The following ULK4 variants were observed in gnomAD, a reference collection of about 807,000 sequenced individuals.
The protein encoded by ULK4 is inactive serine/threonine-protein kinase ULK4.
ULK4 carries 133 observed loss-of-function variants against 160.6 expected under a neutral mutation model. The observed-to-expected ratio is 0.83, with a 90% CI of 0.72 to 0.96. The LOEUF is 0.96. Ranked by LOEUF, ULK4 falls within the 40% of genes least tolerant of loss-of-function variation. The pLI is 0.00. For synonymous variants in ULK4, 534 were observed against 539.8 expected (o/e 0.99, Z 0.15); for missense variants, 1,580 against 1,499.5 (o/e 1.05, Z -0.89).
intron 2 of ULK4, among the ~76,000 whole-genome samples, chr3:41,944,866 T>A (rs1700066963): frequency 6.6e-6 from 1 of 152,154 alleles, no homozygotes; most frequent in Admixed American, 6.6e-5. Context: ...ATTAGCAGCA[T>A]CTCACACAAG....
intron 32 of ULK4, among the ~76,000 whole-genome samples, chr3:41,473,661 C>CAAAAAAAA (rs1294599838): frequency 1.6e-4 from 4 of 25,288 alleles, no homozygotes; most frequent in African/African-American, 7.3e-4. Flanking sequence ...GATTCTGTCT[C>CAAAAAAAA]AAAGAAAAAA....
chr3:41,282,930 CAAA>C (rs2079387905), intron 35 of ULK4, among the ~76,000 whole-genome samples: 1 of 138,970 alleles, frequency 7.2e-6, no homozygotes. Context: ...CTAGAATCTA[CAAA>C]AAACTTAAAC....
intron 19 of ULK4, among the ~76,000 whole-genome samples, chr3:41,814,061 G>C (rs2040894591): frequency 6.6e-6 from 1 of 152,184 alleles, no homozygotes; most frequent in Non-Finnish European, 1.5e-5. Context: ...ACACAATGTA[G>C]CATTTTCACT....
intron 20 of ULK4, among the ~76,000 whole-genome samples, chr3:41,790,124 T>G (rs1255208012): frequency 6.6e-6 from 1 of 152,150 alleles, no homozygotes; most frequent in Non-Finnish European, 1.5e-5. Context: ...GTCCCTTTAA[T>G]TAATAAAACA....
At chr3:41,675,595 A>G (rs2035685871) in intron 29 of ULK4, among the ~76,000 whole-genome samples, 1 of 152,146 alleles carries the variant, frequency 6.6e-6, no homozygotes, top group South Asian at 2.1e-4. Context: ...ATCTCAAAAC[A>G]AAACAAAACA....
At position 41,506,770 on chromosome 3, in the gene ULK4, ATATATAT is replaced by A. The variant is rs2085399401; in HGVS notation, c.3227-43524_3227-43518del. 6.0e-5 allele frequency among the ~76,000 whole-genome samples: 6 copies of A among 100,122 alleles called. 1 individual carries two copies. The highest frequency in any genetic ancestry group is 6.3e-4 in the East Asian group (2 of 3,194). 65.7% of individuals were successfully genotyped at this position (100,122 alleles called of 152,430 possible). On this transcript the variant is annotated intron_variant, in intron 32 of 36. Coordinates refer to ENST00000301831, the MANE Select transcript of ULK4 (RefSeq NM_017886.4). ...AATACACTGGAGTGTGATTTAAAAT[ATATATAT>A]ATATATATATATATATATATATATA...
Position 41,918,356 on chromosome 3 carries a change from CTT to C in ULK4, c.727+99_727+100del, listed in dbSNP as rs1348858724. 48 of 697,156 alleles carry C rather than the reference CTT, an allele frequency of 6.9e-5. No individual in the cohort carries two copies. In the East Asian group the frequency reaches 1.4e-3, roughly 21 times the overall value. The allele number at this position is 697,156 out of a possible 1,614,324, so 43.2% of individuals were successfully genotyped here. Reference sequence around the variant, plus strand: ...ACTTGGGATCATTTATAAAAGATAACTTTGGGGAGTTATGAATCAATAAAAGC... The same window carrying C: ...ACTTGGGATCATTTATAAAAGATAACTGGGGAGTTATGAATCAATAAAAGC... On this transcript the variant is annotated intron_variant, in intron 7 of 36. Coordinates refer to ENST00000301831, the MANE Select transcript of ULK4 (RefSeq NM_017886.4).
intron 18 of ULK4, among the ~76,000 whole-genome samples, chr3:41,831,044 A>AT (rs1292356260): frequency 2.2e-4 from 33 of 151,290 alleles, no homozygotes; most frequent in African/African-American, 7.8e-4. Context: ...TGATTTATTT[A>AT]TTAGACAGGG....
intron 22 of ULK4, among the ~76,000 whole-genome samples, chr3:41,743,375 T>C (rs539541243): frequency 6.6e-6 from 1 of 151,578 alleles, no homozygotes; most frequent in East Asian, 1.9e-4. Context: ...TGCAGTAATC[T>C]TCAGGAATAA....
At chr3:41,704,351 G>A (rs145006067) in intron 27 of ULK4, among the ~76,000 whole-genome samples, 1 of 152,318 alleles carries the variant, frequency 6.6e-6, no homozygotes, top group African/African-American at 2.4e-5. Context: ...AGGAGGGAAG[G>A]ATGGAACCAT....
chr3:41,384,591 A>C (rs1020493547), intron 35 of ULK4, among the ~76,000 whole-genome samples: 5 of 151,948 alleles, frequency 3.3e-5, no homozygotes, highest in African/African-American at 1.2e-4. Context: ...CTGTCTATAT[A>C]AATTTTTTTT....
rs977380455 is a variant in ULK4, at chr3:41,732,344, C to G, written c.2322-14483G>C. ...TCTCAAAAGACATACAAATGGCCAACAGGTATATTTAAAAATGCTCAACAA... is the reference window on the plus strand; with the variant it reads ...TCTCAAAAGACATACAAATGGCCAAGAGGTATATTTAAAAATGCTCAACAA... On this transcript the variant is annotated intron_variant, in intron 22 of 36. Transcript: ENST00000301831. Among the ~76,000 whole-genome samples the G allele has an allele frequency of 3.3e-5, 5 of 152,036 alleles. No individual in the cohort carries two copies. In the South Asian group the frequency reaches 1.0e-3, roughly 31 times the overall value.
intron 34 of ULK4, among the ~76,000 whole-genome samples, chr3:41,446,620 G>A (rs564281425): frequency 4.4e-5 from 6 of 137,902 alleles, no homozygotes; most frequent in East Asian, 3.0e-4. Flanking sequence ...GCAAACTATC[G>A]CAGGGACAAA....
chr3:41,844,598 C>G (rs1281348756), intron 17 of ULK4, among the ~76,000 whole-genome samples: 1 of 152,178 alleles, frequency 6.6e-6, no homozygotes, highest in African/African-American at 2.4e-5. Flanking sequence ...TTGGCCAGCC[C>G]AGAAAGGAGT....
rs1272746689 is a variant in ULK4, at chr3:41,896,927, A to G, written c.1425T>C (p.Thr475=). The G allele has an allele frequency of 1.2e-6, 2 of 1,613,436 alleles. No individual in the cohort carries two copies. The highest frequency in any genetic ancestry group is 1.7e-5 in the Admixed American group (1 of 59,980). The change falls in exon 15 of 37, where the codon ACT becomes ACC. Residue 475 remains threonine (T), a synonymous_variant. Transcript: ENST00000301831. ...CTCGGGAGGCCCCCATGCTCTTCTC[A>G]GTGGAGTCGATCTGCGAGCACACTT... ...LQQVCSQIDS[T]EKSMGASRAK...
At chr3:41,445,733 T>C (rs1344153154) in intron 34 of ULK4, among the ~76,000 whole-genome samples, 1 of 152,170 alleles carries the variant, frequency 6.6e-6, no homozygotes, top group Non-Finnish European at 1.5e-5. Flanking sequence ...TCAAGATGGA[T>C]TAAAGACTTA....
At chr3:41,565,882 A>C in intron 32 of ULK4, 143 bp downstream of exon 32, 1 of 609,948 alleles carries the variant, frequency 1.6e-6, no homozygotes, top group Non-Finnish European at 2.8e-6. Flanking sequence ...CCACAATTCC[A>C]AATTTTGCTA....
At chr3:41,673,175 A>T (rs1160478661) in intron 29 of ULK4, among the ~76,000 whole-genome samples, 1 of 152,134 alleles carries the variant, frequency 6.6e-6, no homozygotes, top group East Asian at 1.9e-4. Context: ...TTATGTAAGC[A>T]AAGAACAAAA....
At chr3:41,580,220 C>G (rs1024131546) in intron 31 of ULK4, among the ~76,000 whole-genome samples, 1 of 152,082 alleles carries the variant, frequency 6.6e-6, no homozygotes, top group Non-Finnish European at 1.5e-5. Flanking sequence ...AGGGGTTGAG[C>G]ACAGAGGGGG....
Sources: allele counts gnomAD v4.1 joint callset (sites outside exome capture counted in the v4.1 genomes callset), GRCh38; gene constraint gnomAD v4.1.1; transcripts MANE v1.5; gene names NCBI Gene and HGNC (gene_info 2026-07-23, HGNC 2026-07-21).